The following BABAM2 variants were observed in gnomAD, a reference collection of about 807,000 sequenced individuals.
The protein encoded by BABAM2 is BRISC and BRCA1 A complex member 2.
Under a neutral mutation model 54.7 loss-of-function variants are expected in BABAM2, and 31 were observed. That is an observed-to-expected ratio of 0.57 (90% confidence interval 0.43 to 0.77). The LOEUF (loss-of-function observed/expected upper bound fraction) is 0.77, where lower values mean the gene tolerates loss of function less well. Among genes scored for constraint, BABAM2 ranks in the 30% least tolerant of loss-of-function variants. The pLI is 0.00. For synonymous variants in BABAM2, 167 were observed against 162.9 expected (o/e 1.03, Z -0.19); for missense variants, 364 against 455.8 (o/e 0.80, Z 1.83).
intron 8 of BABAM2, 36 bp from the exon 9 acceptor site, chr2:28,241,287 C>G: frequency 3.8e-6 from 6 of 1,583,864 alleles, no homozygotes; most frequent in Non-Finnish European, 5.2e-6. Context: ...TTAAAAGATT[C>G]CCACTCTACT....
intron 11 of BABAM2, among the ~76,000 whole-genome samples, chr2:28,331,690 G>C (rs1305592432): frequency 6.6e-6 from 1 of 152,228 alleles, no homozygotes; most frequent in Non-Finnish European, 1.5e-5. Context: ...AGGCTGTGGA[G>C]AAGTAGGAAC....
intron 3 of BABAM2, among the ~76,000 whole-genome samples, chr2:27,972,380 C>A (rs1671280754): frequency 2.0e-5 from 3 of 152,198 alleles, no homozygotes; most frequent in African/African-American, 7.2e-5. Flanking sequence ...CGGGTAATAA[C>A]TGCCAAGGAA....
intron 4 of BABAM2, among the ~76,000 whole-genome samples, chr2:28,019,851 A>G (rs867588296): frequency 1.3e-5 from 2 of 152,194 alleles, no homozygotes; most frequent in African/African-American, 4.8e-5. Context: ...CCATTAGCCT[A>G]TGTGCCTATT....
intron 7 of BABAM2, among the ~76,000 whole-genome samples, chr2:28,175,998 C>G (rs556078379): frequency 2.3e-4 from 35 of 152,162 alleles, no homozygotes; most frequent in Middle Eastern, 3.2e-3. Context: ...AATACAGAAA[C>G]TACACTCCTG....
At chr2:28,000,636 C>T (rs1401655014) in intron 4 of BABAM2, among the ~76,000 whole-genome samples, 1 of 152,132 alleles carries the variant, frequency 6.6e-6, no homozygotes, top group African/African-American at 2.4e-5. Flanking sequence ...TCTTTGAGGG[C>T]AGTATCTACA....
intron 7 of BABAM2, among the ~76,000 whole-genome samples, chr2:28,158,653 G>A (rs1163136950): frequency 6.6e-6 from 1 of 152,190 alleles, no homozygotes; most frequent in Non-Finnish European, 1.5e-5. Flanking sequence ...TTGTTTGGAA[G>A]TCAAATTCCT....
intron 7 of BABAM2, among the ~76,000 whole-genome samples, chr2:28,151,359 G>A (rs541708673): frequency 1.4e-4 from 21 of 152,218 alleles, no homozygotes; most frequent in Non-Finnish European, 2.8e-4. Flanking sequence ...GATCACCCGA[G>A]GTCAGGAGTT....
At chr2:27,920,430 A>G (rs1232143276) in intron 2 of BABAM2, among the ~76,000 whole-genome samples, 1 of 152,224 alleles carries the variant, frequency 6.6e-6, no homozygotes, top group Non-Finnish European at 1.5e-5. Flanking sequence ...AGAAACCATG[A>G]TAATTTTTGA....
intron 6 of BABAM2, among the ~76,000 whole-genome samples, chr2:28,128,291 A>G (rs752382654): frequency 6.6e-6 from 1 of 152,218 alleles, no homozygotes; most frequent in Non-Finnish European, 1.5e-5. Context: ...TAAGTGTTTA[A>G]AATTTTTATA....
intron 4 of BABAM2, among the ~76,000 whole-genome samples, chr2:27,996,036 C>T (rs1673120305): frequency 6.6e-6 from 1 of 152,062 alleles, no homozygotes; most frequent in African/African-American, 2.4e-5. Context: ...ATTTGTTTTC[C>T]AGTCCATGTG....
At chr2:28,296,048 G>T (rs1031702508) in intron 10 of BABAM2, among the ~76,000 whole-genome samples, 1 of 152,240 alleles carries the variant, frequency 6.6e-6, no homozygotes, top group African/African-American at 2.4e-5. Flanking sequence ...GGCAGAGGTT[G>T]CAGTGAGCTG....
chr2:27,914,772 T>G (rs1332347237), intron 2 of BABAM2, among the ~76,000 whole-genome samples: 3 of 152,208 alleles, frequency 2.0e-5, no homozygotes, highest in Non-Finnish European at 4.4e-5. Flanking sequence ...TGTTTTCAAT[T>G]TATATATGAA....
At chr2:28,054,990 A>G (rs781584300) in intron 6 of BABAM2, among the ~76,000 whole-genome samples, 4 of 152,346 alleles carry the variant, frequency 2.6e-5, no homozygotes, top group East Asian at 1.9e-4. Context: ...ACTATTCACA[A>G]TAGCAAAAAC....
chr2:28,243,523 C>T (rs1405194791), intron 9 of BABAM2, among the ~76,000 whole-genome samples: 15 of 151,396 alleles, frequency 9.9e-5, no homozygotes, highest in Admixed American at 9.9e-4. Context: ...CAGAGCTAGA[C>T]TCCATCTCAA....
At chr2:28,276,261 A>G (rs962975088) in intron 10 of BABAM2, among the ~76,000 whole-genome samples, 1 of 152,106 alleles carries the variant, frequency 6.6e-6, no homozygotes, top group African/African-American at 2.4e-5. Context: ...GCAAAAGATG[A>G]CTAAGCAAGG....
intron 3 of BABAM2, among the ~76,000 whole-genome samples, chr2:27,987,136 C>CTAT (rs1322663312): frequency 9.2e-5 from 14 of 152,106 alleles, no homozygotes; most frequent in Non-Finnish European, 4.4e-5. Context: ...GACATTAGTA[C>CTAT]TATTATATCT....
chr2:28,014,243 A>G (rs1674631828), intron 4 of BABAM2, among the ~76,000 whole-genome samples: 1 of 152,170 alleles, frequency 6.6e-6, no homozygotes, highest in Non-Finnish European at 1.5e-5. Flanking sequence ...CCAAAAAAAG[A>G]TTCTTTTCAA....
intron 10 of BABAM2, 76 bp downstream of exon 10, chr2:28,244,938 G>A: frequency 7.9e-7 from 1 of 1,263,012 alleles, no homozygotes. Context: ...ATCAGTACTA[G>A]AACCTTTTCT....
At chr2:28,029,780 T>G (rs1178489744) in intron 5 of BABAM2, among the ~76,000 whole-genome samples, 1 of 152,224 alleles carries the variant, frequency 6.6e-6, no homozygotes, top group African/African-American at 2.4e-5. Context: ...TTCCATACTG[T>G]TTCCTTAAGG....
Sources: gnomAD v4.1 joint callset for allele counts (sites outside exome capture counted in the v4.1 genomes callset) on GRCh38, gnomAD v4.1.1 for gene constraint, MANE v1.5 for transcripts, NCBI Gene and HGNC (gene_info 2026-07-23, HGNC 2026-07-21) for gene names.